Variants in RIOK1 observed in about 807,000 individuals in gnomAD.
RIOK1 encodes the protein serine/threonine-protein kinase RIO1.
In RIOK1, 66 loss-of-function variants were observed where a neutral mutation model predicts 73.5. The ratio of observed to expected loss-of-function variants is 0.90; its 90% CI spans 0.74 to 1.10. The LOEUF (loss-of-function observed/expected upper bound fraction) is 1.10, where lower values mean the gene tolerates loss of function less well. Among genes scored for constraint, RIOK1 ranks in the 50% least tolerant of loss-of-function variants. The probability of loss-of-function intolerance (pLI) is 0.00; values close to 1 mark genes in which losing one functional copy is unlikely to be tolerated. For missense variants in RIOK1, 658 were observed against 699.8 expected (o/e 0.94, Z 0.67); for synonymous variants, 224 against 226.8 (o/e 0.99, Z 0.11).
chr6:7,390,263 G>T (rs769338506), intron 1 of RIOK1, among the ~76,000 whole-genome samples, 190 bp downstream of exon 1: 7 of 152,222 alleles, frequency 4.6e-5, no homozygotes, highest in Admixed American at 1.3e-4. Context: ...AGAGTTAAGT[G>T]AAAGCTACTT....
At chr6:7,391,900 TTGTC>T (rs1761351696) in intron 1 of RIOK1, among the ~76,000 whole-genome samples, 2 of 152,216 alleles carry the variant, frequency 1.3e-5, no homozygotes, top group African/African-American at 4.8e-5. Flanking sequence ...TGTTTGATGA[TTGTC>T]TGTTTTCTTC....
Position 7,405,356 on chromosome 6 carries a change from G to A in RIOK1, c.1203+1G>A. Reference sequence around the variant, plus strand: ...GAACATGGATGCTTATCTCTCAAAGGTAAGATGGGGAGAGGAAGGAGGAAT... The same window carrying A: ...GAACATGGATGCTTATCTCTCAAAGATAAGATGGGGAGAGGAAGGAGGAAT... On this transcript the variant is annotated splice_donor_variant, in intron 12 of 16. Transcript: ENST00000379834. LOFTEE classifies it high-confidence loss of function. 6.5e-7 allele frequency: 1 copy of A among 1,549,154 alleles called. No homozygotes were observed. The highest frequency in any genetic ancestry group is 8.9e-7 in the Non-Finnish European group (1 of 1,121,642).
intron 12 of RIOK1, among the ~76,000 whole-genome samples, chr6:7,409,519 T>C (rs916640348): frequency 3.0e-4 from 46 of 152,034 alleles, no homozygotes; most frequent in African/African-American, 1.1e-3. Flanking sequence ...CCCAAAGTGC[T>C]GGGATTACAG....
chr6:7,401,973 C>T (rs1204987553), intron 6 of RIOK1, among the ~76,000 whole-genome samples: 1 of 152,126 alleles, frequency 6.6e-6, no homozygotes, highest in Admixed American at 6.5e-5. Flanking sequence ...GCCTCCACGC[C>T]TTGCCTAAAT....
chr6:7,413,880 A>C (rs1581724470), intron 15 of RIOK1, among the ~76,000 whole-genome samples: 1 of 152,342 alleles, frequency 6.6e-6, no homozygotes, highest in Middle Eastern at 3.4e-3. Flanking sequence ...ACAGCTGTGA[A>C]GTTATCCATA....
intron 3 of RIOK1, among the ~76,000 whole-genome samples, chr6:7,395,681 A>C (rs1761456478): frequency 6.6e-6 from 1 of 151,900 alleles, no homozygotes; most frequent in South Asian, 2.1e-4. Flanking sequence ...ATGTTACAAA[A>C]ACCCATTTAA....
chr6:7,390,041 C>T lies in RIOK1; in HGVS notation c.39C>T (p.Pro13=). 1.3e-6 allele frequency: 2 copies of T among 1,558,940 alleles called. No homozygotes were observed. The highest frequency in any genetic ancestry group is 8.7e-7 in the Non-Finnish European group (1 of 1,151,472). Residue 13 remains proline (P), a synonymous_variant, in exon 1 of 17, where the codon CCC becomes CCT. Coordinates refer to ENST00000379834, the MANE Select transcript of RIOK1 (RefSeq NM_031480.3). The part of the protein sequence containing the change: ...YRRLLMSRVV[P]GQFDDADSSD... ...GGCTTCTCATGAGCCGGGTGGTCCC[C>T]GGGCAATTCGACGACGCGGACTCCT...
chr6:7,399,176 A>G (rs1157301353), intron 5 of RIOK1, among the ~76,000 whole-genome samples: 3 of 152,170 alleles, frequency 2.0e-5, no homozygotes, highest in South Asian at 2.1e-4. Flanking sequence ...TATTCTTTCT[A>G]TTCAAGAATG....
Position 7,401,061 on chromosome 6 carries a change from C to G in RIOK1, c.573+11C>G, listed in dbSNP as rs1351899847. 1.3e-6 allele frequency: 2 copies of G among 1,523,766 alleles called. No homozygotes were observed. Among genetic ancestry groups the G allele is most frequent in the African/African-American group, 2.8e-5 (2 of 71,690 alleles). 94.4% of individuals were successfully genotyped at this position (1,523,766 alleles called of 1,614,324 possible). ...AGCACAGGAAAAGAAGTGAGCTCTTCTTTGGATGATTGGATATTTAATTTT... is the reference window on the plus strand; with the variant it reads ...AGCACAGGAAAAGAAGTGAGCTCTTGTTTGGATGATTGGATATTTAATTTT... On this transcript the variant is annotated intron_variant, in intron 6 of 16. Transcript: ENST00000379834.
Position 7,417,489 on chromosome 6 carries a change from G to A in RIOK1, c.*48G>A, listed in dbSNP as rs201642323. 6.2e-5 allele frequency: 74 copies of A among 1,190,978 alleles called. No individual in the cohort carries two copies. In the African/African-American group the frequency reaches 9.7e-4, roughly 16 times the overall value. 73.8% of individuals were successfully genotyped at this position (1,190,978 alleles called of 1,614,324 possible). A position where few individuals can be genotyped will look rare whatever the true frequency, so the allele number is the denominator to read the frequency against. ...GTCATTTTCCTCAGTTCCTTTTCTC[G>A]CCTGAACTCTTAAGCTGCATCTGGA... On this transcript the variant is annotated 3_prime_UTR_variant, in exon 17 of 17. Coordinates refer to ENST00000379834, the MANE Select transcript of RIOK1 (RefSeq NM_031480.3).
Position 7,417,709 on chromosome 6 carries a change from A to AT in RIOK1, c.*275dup, listed in dbSNP as rs546714275. 46 of 215,828 alleles carry AT rather than the reference A, an allele frequency of 2.1e-4. 1 individual carries two copies. The highest frequency in any genetic ancestry group is 1.0e-3 in the African/African-American group (44 of 43,672). The allele number at this position is 215,828 out of a possible 1,614,324, so 13.4% of individuals were successfully genotyped here. On this transcript the variant is annotated 3_prime_UTR_variant, in exon 17 of 17. Coordinates refer to ENST00000379834, the MANE Select transcript of RIOK1 (RefSeq NM_031480.3). The stretch of plus-strand genomic sequence containing the variant: ...GAACTTTGTACATTTTTATTTTTAT[A>AT]TTTTTTTCTCTTACAAATATGTTTT...
intron 14 of RIOK1, among the ~76,000 whole-genome samples, chr6:7,411,990 AGATAATATTTCACTTAATT>A (rs1453272358): frequency 1.3e-5 from 2 of 152,364 alleles, no homozygotes; most frequent in East Asian, 3.9e-4. Context: ...GATGTGGGGC[AGATAATATTTCACTTAATT>A]GGGGCTCAAA....
chr6:7,414,556 C>T (rs532925557), intron 16 of RIOK1, among the ~76,000 whole-genome samples, 166 bp downstream of exon 16: 1 of 152,226 alleles, frequency 6.6e-6, no homozygotes, highest in Admixed American at 6.5e-5. Context: ...TTGGTGGTAA[C>T]ATTATCTTGA....
intron 14 of RIOK1, among the ~76,000 whole-genome samples, chr6:7,412,307 G>A (rs181910859): frequency 2.2e-4 from 34 of 151,894 alleles, no homozygotes; most frequent in Non-Finnish European, 3.4e-4. Flanking sequence ...GCTGCGGTGA[G>A]CTGAGATTGC....
intron 10 of RIOK1, 41 bp from the exon 11 acceptor site, chr6:7,404,877 A>G: frequency 6.7e-7 from 1 of 1,503,514 alleles, no homozygotes; most frequent in Non-Finnish European, 9.2e-7. Flanking sequence ...AAACATAGTA[A>G]AGTAATACCA....
At chr6:7,392,538 A>G (rs1761366581) in intron 1 of RIOK1, among the ~76,000 whole-genome samples, 1 of 149,644 alleles carries the variant, frequency 6.7e-6, no homozygotes, top group Admixed American at 6.6e-5. Flanking sequence ...TTTAATTACA[A>G]TTTTTTTTAG....
chr6:7,414,502 G>C (rs949518563), intron 16 of RIOK1, 112 bp downstream of exon 16: 2 of 1,018,526 alleles, frequency 2.0e-6, no homozygotes, highest in Non-Finnish European at 2.9e-6. Flanking sequence ...TTATTGATAA[G>C]TACCTCTAAT....
chr6:7,409,109 G>A (rs372612968), intron 12 of RIOK1, among the ~76,000 whole-genome samples: 11 of 151,948 alleles, frequency 7.2e-5, no homozygotes, highest in Admixed American at 5.2e-4. Flanking sequence ...TGCAATCTCC[G>A]CCTCCCAGGT....
intron 1 of RIOK1, among the ~76,000 whole-genome samples, chr6:7,391,465 A>G (rs1467411214): frequency 1.3e-5 from 2 of 152,236 alleles, no homozygotes; most frequent in Non-Finnish European, 2.9e-5. Context: ...AGGGCATTCC[A>G]GTTTTATGGT....
Sources: gnomAD v4.1 joint callset for allele counts (sites outside exome capture counted in the v4.1 genomes callset) on GRCh38, gnomAD v4.1.1 for gene constraint, MANE v1.5 for transcripts, NCBI Gene and HGNC (gene_info 2026-07-23, HGNC 2026-07-21) for gene names.